Variants in ADAMTS20 observed in about 807,000 individuals in gnomAD.
ADAMTS20 encodes A disintegrin and metalloproteinase with thrombospondin motifs 20.
In ADAMTS20, 225 loss-of-function variants were observed where a neutral mutation model predicts 260.1. That is an observed-to-expected ratio of 0.87 (90% confidence interval 0.78 to 0.97). The LOEUF is 0.97. Ranked by LOEUF, ADAMTS20 falls within the 50% of genes least tolerant of loss-of-function variation. The pLI is 0.00. For missense variants in ADAMTS20, 2,400 were observed against 2,337.7 expected, an observed-to-expected ratio of 1.03 and a Z score of -0.55; for synonymous variants, 802 against 769.5, an observed-to-expected ratio of 1.04 and a Z score of -0.70.
intron 7 of ADAMTS20, among the ~76,000 whole-genome samples, chr12:43,487,480 T>G (rs1345961210): frequency 2.0e-5 from 3 of 152,062 alleles, no homozygotes; most frequent in Non-Finnish European, 4.4e-5. Context: ...AGGTACAATG[T>G]ACACTACTCA....
At chr12:43,382,220 G>T (rs972335905) in intron 31 of ADAMTS20, among the ~76,000 whole-genome samples, 2 of 151,902 alleles carry the variant, frequency 1.3e-5, no homozygotes, top group Non-Finnish European at 2.9e-5. Flanking sequence ...CGTCAAAATT[G>T]GAATCAATCC....
At chr12:43,517,154 T>C (rs933646546) in intron 3 of ADAMTS20, among the ~76,000 whole-genome samples, 16 of 152,010 alleles carry the variant, frequency 1.1e-4, no homozygotes, top group Non-Finnish European at 2.2e-4. Context: ...AAACTTGAAA[T>C]GAGGCAAGGA....
chr12:43,523,109 T>C (rs560462607), intron 3 of ADAMTS20, among the ~76,000 whole-genome samples: 4 of 152,318 alleles, frequency 2.6e-5, no homozygotes, highest in African/African-American at 9.6e-5. Context: ...TTAGAATATA[T>C]AAGACCTTTG....
chr12:43,502,227 C>T lies in ADAMTS20; in HGVS notation c.792G>A (p.Met264Ile), dbSNP rs563636415. ...LISYPRYIEIMVTADAKVVSA... is the reference protein window; with the variant it reads ...LISYPRYIEIIVTADAKVVSA... Reference sequence around the variant, plus strand: ...AAACCACTTTAGCATCAGCTGTAACCATAATTTCAATGTATCTTGGATATG... The same window carrying T: ...AAACCACTTTAGCATCAGCTGTAACTATAATTTCAATGTATCTTGGATATG... The change falls in exon 4 of 39, where the codon ATG becomes ATA. Residue 264 changes from methionine (M) to isoleucine (I), a missense_variant. Physicochemically the swap from Met to Ile is conservative, Grantham distance 10. Coordinates refer to ENST00000389420, the MANE Select transcript of ADAMTS20 (RefSeq NM_025003.5). The T allele has an allele frequency of 6.8e-6, 11 of 1,612,108 alleles. No individual in the cohort carries two copies. Among genetic ancestry groups the T allele is most frequent in the Non-Finnish European group, 9.3e-6 (11 of 1,179,182 alleles).
intron 6 of ADAMTS20, 55 bp downstream of exon 6, chr12:43,492,450 A>T: frequency 6.4e-7 from 1 of 1,566,152 alleles, no homozygotes; most frequent in Non-Finnish European, 8.7e-7. Context: ...AGTATCAGTC[A>T]TGCAGGAGGG....
chr12:43,514,969 A>G (rs1942978837), intron 3 of ADAMTS20, among the ~76,000 whole-genome samples: 1 of 152,238 alleles, frequency 6.6e-6, no homozygotes. Context: ...ACATGATTCT[A>G]CTACATTAAT....
At chr12:43,441,065 C>CA (rs74514544) in intron 16 of ADAMTS20, among the ~76,000 whole-genome samples, 2,127 of 81,914 alleles carry the variant, frequency 0.026, 46 homozygotes, top group African/African-American at 0.076. Context: ...ACTCCGTCTC[C>CA]AAAAAAAAAA....
At chr12:43,501,504 TG>T (rs1381862345) in intron 4 of ADAMTS20, among the ~76,000 whole-genome samples, 2 of 118,192 alleles carry the variant, frequency 1.7e-5, no homozygotes, top group African/African-American at 6.8e-5. Flanking sequence ...CACACACACA[TG>T]TAAGGATGAA....
chr12:43,417,185 C>T (rs914382135), intron 28 of ADAMTS20, among the ~76,000 whole-genome samples: 1 of 152,122 alleles, frequency 6.6e-6, no homozygotes, highest in Non-Finnish European at 1.5e-5. Flanking sequence ...GTGCAGTGGC[C>T]ATGATTCCCT....
At chr12:43,511,069 A>T (rs1480177747) in intron 3 of ADAMTS20, among the ~76,000 whole-genome samples, 1 of 152,070 alleles carries the variant, frequency 6.6e-6, no homozygotes, top group Non-Finnish European at 1.5e-5. Flanking sequence ...CTTTGTATCT[A>T]GTCACCAAGT....
chr12:43,357,051 T>G (rs1226729706), intron 37 of ADAMTS20, among the ~76,000 whole-genome samples: 1 of 152,236 alleles, frequency 6.6e-6, no homozygotes, highest in Non-Finnish European at 1.5e-5. Flanking sequence ...CCACATGATT[T>G]ACACACATTA....
In ADAMTS20 at chr12:43,443,791, C is replaced by T; in HGVS notation, c.2290G>A (p.Ala764Thr). The change falls in exon 16 of 39, where the codon GCA (alanine) becomes ACA (threonine). Residue 764 changes from alanine to threonine, a missense_variant and splice_region_variant. Ala to Thr is a moderately conservative substitution (Grantham distance 58). Coordinates refer to ENST00000389420, the MANE Select transcript of ADAMTS20 (RefSeq NM_025003.5). ...YSGQPDDSYL[A>T]LSDAEGNFLF... The stretch of plus-strand genomic sequence containing the variant: ...GCTGTTGTTTACGAGAAATGTTTAC[C>T]AAGGTAACTGTCATCTGGTTGTCCA... 6.2e-7 allele frequency: 1 copy of T among 1,610,770 alleles called. No homozygotes were observed. Among genetic ancestry groups the T allele is most frequent in the Non-Finnish European group, 8.5e-7 (1 of 1,177,542 alleles).
chr12:43,468,683 T>A lies in ADAMTS20; in HGVS notation c.1140A>T (p.Ile380=), dbSNP rs147440504. 12 of 1,600,366 alleles carry A rather than the reference T, an allele frequency of 7.5e-6. No homozygotes were observed. The African/African-American group carries it at 1.2e-4, about 16-fold the overall frequency. ...NMLGLSYLGT[I]CDPLQSCFIN... The stretch of plus-strand genomic sequence containing the variant: ...TAAAGCAGCTTTGTAAAGGATCACA[T>A]ATGGTACCTAAATATGATAAACCTG... The change falls in exon 8 of 39, where the codon ATA becomes ATT. Residue 380 remains isoleucine, a synonymous_variant. Transcript: ENST00000389420.
intron 28 of ADAMTS20, among the ~76,000 whole-genome samples, chr12:43,415,545 C>T (rs1328105314): frequency 6.6e-6 from 1 of 152,136 alleles, no homozygotes; most frequent in African/African-American, 2.4e-5. Context: ...ATATATTGAG[C>T]CTTTATGTCA....
intron 7 of ADAMTS20, among the ~76,000 whole-genome samples, chr12:43,488,140 A>G (rs917323508): frequency 6.6e-6 from 1 of 152,058 alleles, no homozygotes; most frequent in Non-Finnish European, 1.5e-5. Flanking sequence ...GAGTGGTTCA[A>G]TTTGGGGAGT....
chr12:43,374,778 A>T (rs1940185218), intron 36 of ADAMTS20, among the ~76,000 whole-genome samples: 2 of 152,232 alleles, frequency 1.3e-5, no homozygotes. Flanking sequence ...TAGACCGAGG[A>T]TATTAACTTT....
chr12:43,412,802 ATTTTTTTTTTTTTTTTT>A (rs139458463), intron 28 of ADAMTS20, among the ~76,000 whole-genome samples: 1 of 84,274 alleles, frequency 1.2e-5, no homozygotes, highest in African/African-American at 5.2e-5. Flanking sequence ...ATAGGAAATA[ATTTTTTTTTTTTTTTTT>A]TTTTTTTTTT....
chr12:43,469,443 A>C (rs1374380550), intron 7 of ADAMTS20, among the ~76,000 whole-genome samples: 2 of 152,152 alleles, frequency 1.3e-5, no homozygotes, highest in African/African-American at 4.8e-5. Context: ...TCCTCTAAAA[A>C]TAATATAGGA....
At position 43,452,327 on chromosome 12, in the gene ADAMTS20, C is replaced by T; in HGVS notation, c.2026G>A (p.Gly676Ser). 1 of 1,613,350 alleles carries T rather than the reference C, an allele frequency of 6.2e-7. No homozygotes were observed. Among genetic ancestry groups the T allele is most frequent in the Non-Finnish European group, 8.5e-7 (1 of 1,179,530 alleles). The change falls in exon 14 of 39, where the codon GGT becomes AGT. Residue 676 changes from glycine to serine, a missense_variant. Gly to Ser is a moderately conservative substitution (Grantham distance 56). Transcript: ENST00000389420. ...FYLLKDMVED[G>S]TPCGTETHDI... ...TGAGTTTCAGTTCCACAAGGAGTAC[C>T]ATCTTCAACCATATCCTTCAATAGG...
Sources: allele counts gnomAD v4.1 joint callset (sites outside exome capture counted in the v4.1 genomes callset), GRCh38; gene constraint gnomAD v4.1.1; transcripts MANE v1.5; gene names NCBI Gene and HGNC (gene_info 2026-07-23, HGNC 2026-07-21).